DAB2: variants seen among roughly 807,000 people sequenced by gnomAD.
The protein encoded by DAB2 is DAB adaptor protein 2.
A neutral mutation model predicts 71.6 loss-of-function variants in DAB2; 28 were observed. The ratio of observed to expected loss-of-function variants is 0.39; its 90% confidence interval spans 0.29 to 0.54. DAB2 has a LOEUF of 0.54. Among genes scored for constraint, DAB2 ranks in the 20% least tolerant of loss-of-function variants. The probability of loss-of-function intolerance (pLI) is 0.68; values close to 1 mark genes in which losing one functional copy is unlikely to be tolerated. For missense variants in DAB2, 867 were observed against 928.8 expected (o/e 0.93, Z 0.86); for synonymous variants, 345 against 339.7 (o/e 1.02, Z -0.17).
intron 5 of DAB2, among the ~76,000 whole-genome samples, 154 bp from the exon 6 acceptor site, chr5:39,390,086 A>G (rs1041633692): frequency 6.6e-6 from 1 of 152,092 alleles, no homozygotes; most frequent in East Asian, 1.9e-4. Context: ...CACCAACCCA[A>G]TCCTCACCCT....
intron 11 of DAB2, among the ~76,000 whole-genome samples, chr5:39,379,850 A>G (rs1318653092): frequency 6.6e-6 from 1 of 151,950 alleles, no homozygotes. Flanking sequence ...GCTCAGTTTG[A>G]GTCCCATGTC....
intron 4 of DAB2, 127 bp downstream of exon 4, chr5:39,392,238 A>T: frequency 1.4e-6 from 1 of 713,752 alleles, no homozygotes; most frequent in Non-Finnish European, 2.5e-6. Context: ...ACTTCTGGAG[A>T]TGTAATATAT....
intron 1 of DAB2, chr5:39,417,421 C>T (rs1755872985): frequency 6.6e-6 from 1 of 152,152 alleles, no homozygotes; most frequent in Non-Finnish European, 1.5e-5. Context: ...CCAAACTGAC[C>T]AGTCAGAGTT....
intron 4 of DAB2, 124 bp downstream of exon 4, chr5:39,392,241 T>C: frequency 1.4e-6 from 1 of 725,610 alleles, no homozygotes. Context: ...TCTGGAGATG[T>C]AATATATGAT....
intron 1 of DAB2, among the ~76,000 whole-genome samples, chr5:39,407,823 A>G (rs1755641193): frequency 6.6e-6 from 1 of 152,234 alleles, no homozygotes; most frequent in South Asian, 2.1e-4. Context: ...GTAATTTAGA[A>G]GCATCTGTGC....
At chr5:39,423,258 G>A (rs1756029423) in intron 1 of DAB2, among the ~76,000 whole-genome samples, 1 of 6,542 alleles carries the variant, frequency 1.5e-4, no homozygotes, top group African/African-American at 1.2e-3. Flanking sequence ...TGGAAGAAGT[G>A]GTCTGTCCCA....
intron 9 of DAB2, among the ~76,000 whole-genome samples, chr5:39,384,169 A>G (rs1216875525): frequency 6.6e-6 from 1 of 152,204 alleles, no homozygotes; most frequent in Non-Finnish European, 1.5e-5. Flanking sequence ...CCAACAACTG[A>G]TCTTTAATTT....
chr5:39,398,510 A>T (rs1276303725), intron 1 of DAB2, among the ~76,000 whole-genome samples: 1 of 152,200 alleles, frequency 6.6e-6, no homozygotes, highest in Non-Finnish European at 1.5e-5. Flanking sequence ...AATAAGGAGG[A>T]AAAGTTTCTG....
chr5:39,385,310 C>T (rs187544087), intron 9 of DAB2: 24 of 152,254 alleles, frequency 1.6e-4, no homozygotes, highest in African/African-American at 5.1e-4. Context: ...TTTTGAGCCA[C>T]CTCTGGGTTA....
intron 1 of DAB2, among the ~76,000 whole-genome samples, chr5:39,400,194 C>G (rs980600102): frequency 6.6e-6 from 1 of 151,754 alleles, no homozygotes; most frequent in Non-Finnish European, 1.5e-5. Flanking sequence ...CCACTAAGAA[C>G]ACTTATTCCG....
intron 1 of DAB2, among the ~76,000 whole-genome samples, chr5:39,421,653 G>T (rs1328476454): frequency 2.0e-5 from 3 of 152,144 alleles, no homozygotes; most frequent in Admixed American, 6.5e-5. Context: ...CTGTCTTTAA[G>T]TAAAGACTGA....
At position 39,394,359 on chromosome 5, in the gene DAB2, A is replaced by G. The variant is rs900836861; in HGVS notation, c.-39T>C. On this transcript the variant is annotated 5_prime_UTR_variant, in exon 2 of 15. Transcript: ENST00000320816. ...GCAGCAAACCTCAGTACCAGTGGAC[A>G]CTTGGTGACACCAGGCGATCCCGAT... is the stretch of plus-strand genomic sequence containing the variant. The G allele has an allele frequency of 2.3e-5, 33 of 1,450,056 alleles. No individual in the cohort carries two copies. Among genetic ancestry groups the G allele is most frequent in the Non-Finnish European group, 3.0e-5 (31 of 1,030,778 alleles). The allele number at this position is 1,450,056 out of a possible 1,614,324, so 89.8% of individuals were successfully genotyped here. A position where few individuals can be genotyped will look rare whatever the true frequency, so the allele number is the denominator to read the frequency against.
At chr5:39,412,847 CAA>C (rs570353862) in intron 1 of DAB2, among the ~76,000 whole-genome samples, 96 of 152,200 alleles carry the variant, frequency 6.3e-4, no homozygotes, top group Non-Finnish European at 1.1e-3. Flanking sequence ...TGCTTTACAA[CAA>C]AAGAGATAAT....
chr5:39,404,460 T>TC (rs745824353), intron 1 of DAB2, among the ~76,000 whole-genome samples: 1 of 127,264 alleles, frequency 7.9e-6, no homozygotes, highest in African/African-American at 2.9e-5. Context: ...TATTATTATC[T>TC]AAAAAAAAAA....
chr5:39,380,673 T>C (rs748269308), intron 11 of DAB2, among the ~76,000 whole-genome samples: 4 of 152,184 alleles, frequency 2.6e-5, no homozygotes, highest in Admixed American at 6.5e-5. Flanking sequence ...AAGTGGACTT[T>C]CCCACTGTCC....
chr5:39,424,683 G>C (rs1256983466), intron 1 of DAB2, 121 bp downstream of exon 1: 2 of 149,046 alleles, frequency 1.3e-5, no homozygotes, highest in African/African-American at 5.0e-5. Flanking sequence ...CACAGCCCAA[G>C]GTCTGTACTC....
chr5:39,388,258 T>C (rs1755143220), intron 9 of DAB2, 47 bp downstream of exon 9: 1 of 1,374,652 alleles, frequency 7.3e-7, no homozygotes, highest in South Asian at 1.2e-5. Flanking sequence ...CAATTTGAGT[T>C]ATAGATGTCA....
chr5:39,376,049 T>C lies in DAB2; in HGVS notation c.2195A>G (p.Asn732Ser). The C allele has an allele frequency of 6.2e-7, 1 of 1,614,122 alleles. No homozygotes were observed. The highest frequency in any genetic ancestry group is 1.6e-4 in the Middle Eastern group (1 of 6,062). ...TTTAAAGAAAGGGTTCTCAAATGCA[T>C]TGTCAGTAGATTTGGTAACTGGCAG... Reference protein sequence around the residue: ...VSLPVTKSTDNAFENPFFKDS... With the variant: ...VSLPVTKSTDSAFENPFFKDS... Residue 732 changes from asparagine (N) to serine (S), a missense_variant, in exon 13 of 15, where the codon AAT (asparagine) becomes AGT (serine). Around this residue, in one of 2 missense-constraint regions of DAB2, gnomAD observed 740 missense variants for 734.3 expected, o/e 1.01. Transcript: ENST00000320816.
rs754126227 is a variant in DAB2 at position 39,383,016 on chromosome 5, T to G, written c.943A>C (p.Lys315Gln). The G allele has an allele frequency of 6.2e-7, 1 of 1,614,092 alleles. No homozygotes were observed. The highest frequency in any genetic ancestry group is 2.2e-5 in the East Asian group (1 of 44,866). ...TTCTCTTTCTTCTGATCTGGAGATTTGAGAGAATCAAACGAAGAAGGTGTC... is the reference window on the plus strand; with the variant it reads ...TTCTCTTTCTTCTGATCTGGAGATTGGAGAGAATCAAACGAAGAAGGTGTC... Reference protein sequence around the residue: ...QSTPSSFDSLKSPDQKKENSS... With the variant: ...QSTPSSFDSLQSPDQKKENSS... Residue 315 changes from lysine (K) to glutamine (Q), a missense_variant, in exon 10 of 15, where the codon AAA becomes CAA. Physicochemically the swap from Lys to Gln is moderately conservative, Grantham distance 53. Around this residue, in one of 2 missense-constraint regions of DAB2, gnomAD observed 740 missense variants for 734.3 expected, o/e 1.01. Transcript: ENST00000320816.
Sources: gnomAD v4.1 joint callset for allele counts (sites outside exome capture counted in the v4.1 genomes callset) on GRCh38, gnomAD v4.1.1 for gene constraint, gnomAD v4.1.1 regional missense constraint, MANE v1.5 for transcripts, NCBI Gene and HGNC (gene_info 2026-07-23, HGNC 2026-07-21) for gene names.